Variants in KRT76 observed in about 807,000 individuals in gnomAD.
The protein encoded by KRT76 is keratin 76, also known as keratin, type II cytoskeletal 2 oral.
A neutral mutation model predicts 44.9 loss-of-function variants in KRT76; 47 were observed. The ratio of observed to expected loss-of-function variants is 1.05; its 90% CI spans 0.83 to 1.33. The LOEUF (loss-of-function observed/expected upper bound fraction) is 1.33. KRT76 is among the 40% of genes most tolerant of loss of function. KRT76 has a pLI of 0.00. For missense variants in KRT76, 860 were observed against 775.8 expected (o/e 1.11, Z -1.29); for synonymous variants, 331 against 294.1 (o/e 1.13, Z -1.28).
At chr12:52,769,522 A>G (rs759911837) in intron 8 of KRT76, 27 bp downstream of exon 8, 133 of 1,604,700 alleles carry the variant, frequency 8.3e-5, no homozygotes, top group Non-Finnish European at 1.1e-4. Flanking sequence ...CAACCCAGGG[A>G]GAGGGTTTTT....
chr12:52,776,827 A>C lies in KRT76; in HGVS notation c.465T>G (p.Ile155Met). The C allele has an allele frequency of 6.2e-7, 1 of 1,614,008 alleles. No homozygotes were observed. The stretch of plus-strand genomic sequence containing the variant: ...GACTCTGGTTTACAATCACTTCCTG[A>C]ATTCCCCCAGGAAAGCCCCCAGGGC... ...GFGPGGFPGG[I>M]QEVIVNQSLL... The change falls in exon 1 of 9, where the codon ATT (isoleucine) becomes ATG (methionine). Residue 155 changes from isoleucine (I) to methionine (M), a missense_variant. Physicochemically the swap from Ile to Met is conservative, Grantham distance 10. Coordinates refer to ENST00000332411, the MANE Select transcript of KRT76 (RefSeq NM_015848.4).
chr12:52,772,655 T>G, intron 4 of KRT76, 128 bp downstream of exon 4: 2 of 720,092 alleles, frequency 2.8e-6, no homozygotes, highest in East Asian at 2.5e-5. Context: ...ATTTCCCAGG[T>G]GGGGTGGAGC....
chr12:52,772,704 G>T (rs958843051), intron 4 of KRT76, 79 bp downstream of exon 4: 34 of 988,816 alleles, frequency 3.4e-5, no homozygotes, highest in Admixed American at 5.1e-5. Flanking sequence ...TGAGTGTTGT[G>T]CTGTTTGGCT....
At chr12:52,769,621 G>T in intron 7 of KRT76, 38 bp from the exon 8 acceptor site, 1 of 1,590,142 alleles carries the variant, frequency 6.3e-7, no homozygotes, top group South Asian at 1.1e-5. Flanking sequence ...TTTCTGTTAT[G>T]AGTCAATAAC....
At chr12:52,773,448 A>G in intron 3 of KRT76, 134 bp downstream of exon 3, 1 of 581,028 alleles carries the variant, frequency 1.7e-6, no homozygotes, top group Admixed American at 2.9e-5. Context: ...TTTCATTTCC[A>G]AAAATGTAAG....
Position 52,775,466 on chromosome 12 carries a change from T to C in KRT76, c.737A>G (p.Asp246Gly), listed in dbSNP as rs543446586. The C allele has an allele frequency of 1.2e-6, 2 of 1,614,188 alleles. No homozygotes were observed. The highest frequency in any genetic ancestry group is 1.7e-5 in the Admixed American group (1 of 60,034). Residue 246 changes from aspartate (D) to glycine (G), a missense_variant, in exon 2 of 9, where the codon GAT (aspartate) becomes GGT (glycine). Coordinates refer to ENST00000332411, the MANE Select transcript of KRT76 (RefSeq NM_015848.4). ...SYISFLCKQL[D>G]SLLGERGNLE... ...GTTCCCCCTCTCCCCTAGAAGTGAATCTAGCTGCTTGCATAGGAAGCTGAT... is the reference window on the plus strand; with the variant it reads ...GTTCCCCCTCTCCCCTAGAAGTGAACCTAGCTGCTTGCATAGGAAGCTGAT...
rs373476664 is a variant in KRT76 at position 52,774,934 on chromosome 12, G to A, written c.815+454C>T. 4.6e-5 allele frequency among the ~76,000 whole-genome samples: 7 copies of A among 152,274 alleles called. No homozygotes were observed. The East Asian group carries it at 1.2e-3, about 25-fold the overall frequency. ...GATTGGACGGGACACACTGATAAAG[G>A]CCTTTACCAAGTGCAGCCCTGGACC... On this transcript the variant is annotated intron_variant, in intron 2 of 8. Coordinates refer to ENST00000332411, the MANE Select transcript of KRT76 (RefSeq NM_015848.4).
chr12:52,777,178 T>A lies in KRT76; in HGVS notation c.114A>T (p.Gly38=). 12 of 1,614,022 alleles carry A rather than the reference T, an allele frequency of 7.4e-6. No individual in the cohort carries two copies. The highest frequency in any genetic ancestry group is 1.0e-5 in the Non-Finnish European group (12 of 1,180,014). Residue 38 remains glycine (G), a synonymous_variant, in exon 1 of 9, where the codon GGA becomes GGT. Transcript: ENST00000332411. ...SRMSCVARSG[G]AGGGACGFRS... ...TGAAGCCACAGGCCCCTCCACCAGC[T>A]CCCCCAGAGCGGGCCACACAGCTCA...
chr12:52,769,083 C>T lies in KRT76; in HGVS notation c.1547G>A (p.Ser516Asn), dbSNP rs1939140050. ...TCCACGGCTACTGCCAGAGCTGCCA[C>T]TTGTGCTGGTGACATTGCTGACCAC... ...ISVVSNVTST[S>N]GSSGSSRGVF... Residue 516 changes from serine to asparagine, a missense_variant, in exon 9 of 9, where the codon AGT (serine) becomes AAT (asparagine). Physicochemically the swap from Ser to Asn is conservative, Grantham distance 46. Transcript: ENST00000332411. 3 of 716,932 alleles carry T rather than the reference C, an allele frequency of 4.2e-6. No homozygotes were observed. Among genetic ancestry groups the T allele is most frequent in the Non-Finnish European group, 7.8e-6 (3 of 384,278 alleles). The allele number at this position is 716,932 out of a possible 1,614,324, so 44.4% of individuals were successfully genotyped here.
At chr12:52,771,744 A>G in intron 6 of KRT76, 127 bp downstream of exon 6, 1 of 1,189,648 alleles carries the variant, frequency 8.4e-7, no homozygotes, top group Non-Finnish European at 1.2e-6. Flanking sequence ...TTTCCCAGAC[A>G]CTGCGCTATC....
Position 52,772,783 on chromosome 12 carries a change from C to T in KRT76, c.972G>A (p.Met324Ile), listed in dbSNP as rs1388941973. Reference sequence around the variant, plus strand: ...TGCAGCTTGCAAACCAAGGAATCACCATCTCATAGAGGGTCCTCAGGAAGC... The same window carrying T: ...TGCAGCTTGCAAACCAAGGAATCACTATCTCATAGAGGGTCCTCAGGAAGC... ...EVSFLRTLYEMELSQMQSHAS... is the reference protein window; with the variant it reads ...EVSFLRTLYEIELSQMQSHAS... Residue 324 changes from methionine to isoleucine, a missense_variant and splice_region_variant, in exon 4 of 9, where the codon ATG (methionine) becomes ATA (isoleucine). Transcript: ENST00000332411. 1 of 1,605,288 alleles carries T rather than the reference C, an allele frequency of 6.2e-7. No individual in the cohort carries two copies. Among genetic ancestry groups the T allele is most frequent in the Non-Finnish European group, 8.5e-7 (1 of 1,171,964 alleles).
At chr12:52,775,341 C>T in intron 2 of KRT76, 47 bp downstream of exon 2, 1 of 1,552,242 alleles carries the variant, frequency 6.4e-7, no homozygotes, top group Non-Finnish European at 8.9e-7. Flanking sequence ...GACCACACCT[C>T]CCTGCTAATT....
chr12:52,769,292 A>G (rs1379928771), intron 8 of KRT76, among the ~76,000 whole-genome samples, 182 bp from the exon 9 acceptor site: 1 of 152,204 alleles, frequency 6.6e-6, no homozygotes, highest in Non-Finnish European at 1.5e-5. Context: ...AAGAACAGGA[A>G]CCAGAAATCT....
intron 3 of KRT76, among the ~76,000 whole-genome samples, 163 bp downstream of exon 3, chr12:52,773,419 C>A (rs756063737): frequency 7.9e-5 from 12 of 152,152 alleles, no homozygotes; most frequent in Non-Finnish European, 1.8e-4. Flanking sequence ...ATACTTAGAG[C>A]AGCTTCCTTC....
intron 6 of KRT76, 122 bp downstream of exon 6, chr12:52,771,749 G>T: frequency 1.6e-6 from 2 of 1,246,418 alleles, no homozygotes; most frequent in South Asian, 1.6e-5. Context: ...CAGACACTGC[G>T]CTATCCCACA....
chr12:52,776,718 T>A lies in KRT76; in HGVS notation c.574A>T (p.Asn192Tyr). 6.2e-7 allele frequency: 1 copy of A among 1,614,142 alleles called. No individual in the cohort carries two copies. Among genetic ancestry groups the A allele is most frequent in the Non-Finnish European group, 8.5e-7 (1 of 1,180,034 alleles). ...TTGTCGATGAAGGAGGCAAACTTGT[T>A]GTTGAGGGTCTTGATCTGTTCCCGC... ...QEREQIKTLN[N>Y]KFASFIDKVR... Residue 192 changes from asparagine (N) to tyrosine (Y), a missense_variant, in exon 1 of 9, where the codon AAC becomes TAC. Transcript: ENST00000332411.
chr12:52,776,944 A>G lies in KRT76; in HGVS notation c.348T>C (p.Phe116=). ...FGGGRGVGSG[F]GGAGGFGGAG... ...CTCCACCAAAGCCACCAGCCCCTCC[A>G]AAACCACTACCTACTCCTCTGCCAC... Residue 116 remains phenylalanine, a synonymous_variant, in exon 1 of 9, where the codon TTT becomes TTC. Transcript: ENST00000332411. 6 of 1,613,830 alleles carry G rather than the reference A, an allele frequency of 3.7e-6. 1 individual carries two copies. The South Asian group carries it at 5.5e-5, about 15-fold the overall frequency.
intron 6 of KRT76, 35 bp downstream of exon 6, chr12:52,771,836 G>C: frequency 6.2e-7 from 1 of 1,600,162 alleles, no homozygotes. Context: ...GGGCCCAGAA[G>C]ACCTCTGGGA....
Position 52,771,101 on chromosome 12 carries a change from A to G in KRT76, c.1382T>C (p.Leu461Pro), listed in dbSNP as rs754082317. 12 of 1,614,030 alleles carry G rather than the reference A, an allele frequency of 7.4e-6. No homozygotes were observed. In the Admixed American group the frequency reaches 1.8e-4, roughly 25 times the overall value. The change falls in exon 7 of 9, where the codon CTG becomes CCG. Residue 461 changes from leucine (L) to proline (P), a missense_variant. Leu to Pro is a moderately conservative substitution (Grantham distance 98, BLOSUM62 -3). Coordinates refer to ENST00000332411, the MANE Select transcript of KRT76 (RefSeq NM_015848.4). Reference protein sequence around the residue: ...QTALQKAKDDLARLLRDYQEL... With the variant: ...QTALQKAKDDPARLLRDYQEL... Reference sequence around the variant, plus strand: ...CTGGTAGTCACGCAGGAGCCGAGCCAGGTCATCCTTAGCCTTCTGTAGGGC... The same window carrying G: ...CTGGTAGTCACGCAGGAGCCGAGCCGGGTCATCCTTAGCCTTCTGTAGGGC...
Sources: allele counts gnomAD v4.1 joint callset (sites outside exome capture counted in the v4.1 genomes callset), GRCh38; gene constraint gnomAD v4.1.1; transcripts MANE v1.5; gene names NCBI Gene and HGNC (gene_info 2026-07-23, HGNC 2026-07-21).